TENM4: variants seen among roughly 807,000 people sequenced by gnomAD.
TENM4 encodes the protein teneurin-4.
In TENM4, 82 loss-of-function variants were observed where a neutral mutation model predicts 243.3. The ratio of observed to expected loss-of-function variants is 0.34; its 90% CI spans 0.28 to 0.40. TENM4 has a LOEUF of 0.40. TENM4 is among the 10% of genes least tolerant of loss of function. The pLI is 1.00. For synonymous variants in TENM4, 1,412 were observed against 1,456.3 expected (o/e 0.97, Z 0.69); for missense variants, 3,138 against 3,673.3 (o/e 0.85, Z 3.77).
At chr11:78,915,593 T>C (rs1471323860) in intron 6 of TENM4, among the ~76,000 whole-genome samples, 1 of 152,164 alleles carries the variant, frequency 6.6e-6, no homozygotes, top group Non-Finnish European at 1.5e-5. Flanking sequence ...CAGCTGATAA[T>C]TGAGATGGGC....
intron 4 of TENM4, among the ~76,000 whole-genome samples, chr11:79,131,484 G>A (rs181460190): frequency 6.6e-6 from 1 of 152,310 alleles, no homozygotes; most frequent in East Asian, 1.9e-4. Flanking sequence ...AATACTAAGA[G>A]AATTTGCCGC....
intron 1 of TENM4, among the ~76,000 whole-genome samples, chr11:79,351,869 G>T (rs150593001): frequency 6.6e-6 from 1 of 152,220 alleles, no homozygotes; most frequent in East Asian, 1.9e-4. Context: ...CAGTGCAACA[G>T]TTCAACAAGC....
At chr11:78,662,593 G>C (rs541442239) in intron 32 of TENM4, among the ~76,000 whole-genome samples, 1 of 152,250 alleles carries the variant, frequency 6.6e-6, no homozygotes, top group Non-Finnish European at 1.5e-5. Flanking sequence ...TAAAATATTA[G>C]GTGTGGGGAT....
chr11:79,151,029 C>T (rs544781946), intron 3 of TENM4, among the ~76,000 whole-genome samples: 1 of 152,254 alleles, frequency 6.6e-6, no homozygotes, highest in South Asian at 2.1e-4. Flanking sequence ...GGGATTCAAA[C>T]CGCAGTCCAT....
intron 2 of TENM4, among the ~76,000 whole-genome samples, chr11:79,220,433 C>A (rs1318131714): frequency 6.6e-6 from 1 of 151,980 alleles, no homozygotes; most frequent in East Asian, 1.9e-4. Context: ...GCAGCGTTGG[C>A]CAAACCACTT....
At chr11:79,012,586 G>C (rs892656649) in intron 6 of TENM4, among the ~76,000 whole-genome samples, 3 of 152,162 alleles carry the variant, frequency 2.0e-5, no homozygotes, top group Non-Finnish European at 2.9e-5. Flanking sequence ...CCAAGTTCTT[G>C]AGAAATGATA....
intron 1 of TENM4, among the ~76,000 whole-genome samples, chr11:79,358,335 G>A (rs1857531385): frequency 6.6e-6 from 1 of 152,206 alleles, no homozygotes; most frequent in South Asian, 2.1e-4. Context: ...TTGATCAGAA[G>A]CCTGGAAAGC....
chr11:79,228,547 A>T (rs1265507069), intron 2 of TENM4, among the ~76,000 whole-genome samples: 1 of 151,958 alleles, frequency 6.6e-6, no homozygotes, highest in African/African-American at 2.4e-5. Flanking sequence ...TCACGTGCCC[A>T]CCCACGCAGA....
chr11:79,363,225 T>A (rs1857620382), intron 1 of TENM4, among the ~76,000 whole-genome samples: 1 of 152,246 alleles, frequency 6.6e-6, no homozygotes, highest in Non-Finnish European at 1.5e-5. Context: ...GACCACAGGG[T>A]GCTGCAGTTC....
intron 1 of TENM4, among the ~76,000 whole-genome samples, chr11:79,344,469 C>A (rs1244693643): frequency 6.6e-6 from 1 of 151,216 alleles, no homozygotes; most frequent in African/African-American, 2.4e-5. Context: ...CATGAAACTG[C>A]CCCAGCCAAG....
intron 3 of TENM4, among the ~76,000 whole-genome samples, chr11:79,151,786 G>T (rs1862517118): frequency 6.6e-6 from 1 of 151,970 alleles, no homozygotes; most frequent in Admixed American, 6.6e-5. Flanking sequence ...TGTTCTCTCT[G>T]CTGGCACTTG....
At chr11:78,959,972 C>T (rs1857283308) in intron 6 of TENM4, among the ~76,000 whole-genome samples, 1 of 152,062 alleles carries the variant, frequency 6.6e-6, no homozygotes, top group Admixed American at 6.5e-5. Context: ...CCCCCTACCC[C>T]ATAAGCTTAA....
At chr11:79,366,184 C>T (rs1201585710) in intron 1 of TENM4, among the ~76,000 whole-genome samples, 4 of 152,214 alleles carry the variant, frequency 2.6e-5, no homozygotes. Context: ...AGCTCTGATG[C>T]TGTGAAAAGG....
At chr11:79,004,600 AT>A (rs2136718217) in intron 6 of TENM4, among the ~76,000 whole-genome samples, 2 of 152,302 alleles carry the variant, frequency 1.3e-5, no homozygotes, top group South Asian at 4.1e-4. Context: ...TCTCTAAAGC[AT>A]TGTTAAGATG....
chr11:78,994,617 G>A lies in TENM4; in HGVS notation c.493+70121C>T, dbSNP rs189443619. Reference sequence around the variant, plus strand: ...ATACACTGTGTTCATTTTTACAATCGCTTACGGTAGGATGGCTAGTCCAAT... The same window carrying A: ...ATACACTGTGTTCATTTTTACAATCACTTACGGTAGGATGGCTAGTCCAAT... On this transcript the variant is annotated intron_variant, in intron 6 of 33. Coordinates refer to ENST00000278550, the MANE Select transcript of TENM4 (RefSeq NM_001098816.3). Among the ~76,000 whole-genome samples, 378 of 152,296 alleles carry A rather than the reference G, an allele frequency of 2.5e-3. 1 individual carries two copies. Among genetic ancestry groups the A allele is most frequent in the African/African-American group, 8.3e-3 (343 of 41,566 alleles).
chr11:78,778,729 C>A, intron 16 of TENM4, 101 bp from the exon 17 acceptor site: 1 of 1,137,824 alleles, frequency 8.8e-7, no homozygotes, highest in South Asian at 1.4e-5. Context: ...AGGGATTGTG[C>A]CCCACGTTTG....
chr11:79,296,847 C>A (rs1381691717), intron 2 of TENM4, among the ~76,000 whole-genome samples: 2 of 152,126 alleles, frequency 1.3e-5, no homozygotes, highest in African/African-American at 4.8e-5. Flanking sequence ...AAAGCAGATG[C>A]TAGAAAGTCT....
chr11:79,334,977 G>A (rs929379110), intron 1 of TENM4, among the ~76,000 whole-genome samples: 3 of 152,092 alleles, frequency 2.0e-5, no homozygotes, highest in South Asian at 2.1e-4. Context: ...TTCTTCTTTC[G>A]CCACCTTCAA....
chr11:78,745,227 C>CTT (rs1783943), intron 19 of TENM4, among the ~76,000 whole-genome samples: 56 of 128,032 alleles, frequency 4.4e-4, no homozygotes, highest in African/African-American at 1.3e-3. Context: ...TTTTCTTTTT[C>CTT]TTTTTTTTTT....
Sources: allele counts gnomAD v4.1 joint callset (sites outside exome capture counted in the v4.1 genomes callset), GRCh38; gene constraint gnomAD v4.1.1; transcripts MANE v1.5; gene names NCBI Gene and HGNC (gene_info 2026-07-23, HGNC 2026-07-21).